Variants in UTRN observed in about 807,000 individuals in gnomAD.
UTRN encodes the protein dystrophin-related protein 1.
A neutral mutation model predicts 463.9 loss-of-function variants in UTRN; 283 were observed. The ratio of observed to expected loss-of-function variants is 0.61; its 90% CI spans 0.55 to 0.67. The LOEUF (loss-of-function observed/expected upper bound fraction) is 0.67, where lower values mean the gene tolerates loss of function less well. Ranked by LOEUF, UTRN falls within the 30% of genes least tolerant of loss-of-function variation. The pLI, the probability that UTRN is intolerant of heterozygous loss-of-function variation, is 0.00. For synonymous variants in UTRN, 1,442 were observed against 1,431.5 expected, an observed-to-expected ratio of 1.01 and a Z score of -0.17; for missense variants, 3,922 against 4,084.3, an observed-to-expected ratio of 0.96 and a Z score of 1.08.
intron 9 of UTRN, among the ~76,000 whole-genome samples, chr6:144,432,281 C>T (rs944036076): frequency 2.6e-5 from 4 of 152,222 alleles, no homozygotes; most frequent in African/African-American, 9.7e-5. Context: ...GCAGCCTGCA[C>T]ATTTTTCCTC....
intron 51 of UTRN, among the ~76,000 whole-genome samples, chr6:144,636,396 T>TG (rs912382573): frequency 1.4e-5 from 2 of 141,876 alleles, no homozygotes; most frequent in African/African-American, 5.3e-5. Flanking sequence ...TGTCAGGGGG[T>TG]GGGGGGCTAG....
chr6:144,452,779 TAA>T (rs75475432), intron 18 of UTRN, among the ~76,000 whole-genome samples: 7 of 135,058 alleles, frequency 5.2e-5, no homozygotes, highest in Admixed American at 7.4e-5. Context: ...CTACAAAAAG[TAA>T]AAAAAAAAAA....
chr6:144,422,711 C>A (rs1784938182), intron 4 of UTRN, among the ~76,000 whole-genome samples: 1 of 152,014 alleles, frequency 6.6e-6, no homozygotes, highest in African/African-American at 2.4e-5. Context: ...AAATACAACT[C>A]TATTATTTTA....
At chr6:144,821,107 A>G in intron 66 of UTRN, 89 bp downstream of exon 66, 6 of 1,437,402 alleles carry the variant, frequency 4.2e-6, no homozygotes, top group Non-Finnish European at 5.6e-6. Context: ...AAATTGTTTA[A>G]TACCAACTGC....
chr6:144,837,695 G>A (rs1476379426), intron 71 of UTRN, among the ~76,000 whole-genome samples: 1 of 152,148 alleles, frequency 6.6e-6, no homozygotes, highest in Non-Finnish European at 1.5e-5. Context: ...TTTCACAGTT[G>A]CTCTCAGTCT....
In UTRN at chr6:144,485,509, A is replaced by G. The variant is rs1489397035; in HGVS notation, c.3812A>G (p.Glu1271Gly). ...VLPEKTDAVNEALESLESVLR... is the reference protein window; with the variant it reads ...VLPEKTDAVNGALESLESVLR... ...CCTGAGAAGACGGATGCTGTCAACG[A>G]AGCCCTGGAGGTTGGAACCCGTGAT... Residue 1271 changes from glutamate to glycine, a missense_variant, in exon 28 of 75, where the codon GAA (glutamate) becomes GGA (glycine). Around this residue, in one of 3 missense-constraint regions of UTRN, gnomAD observed 2,349 missense variants for 2,303.8 expected, o/e 1.02. Transcript: ENST00000367545. 1 of 1,611,894 alleles carries G rather than the reference A, an allele frequency of 6.2e-7. No individual in the cohort carries two copies. The highest frequency in any genetic ancestry group is 2.2e-5 in the East Asian group (1 of 44,664).
Position 144,754,735 on chromosome 6 carries a change from C to T in UTRN, c.8371C>T (p.Arg2791Cys), listed in dbSNP as rs778788806. 10 of 1,613,274 alleles carry T rather than the reference C, an allele frequency of 6.2e-6. No homozygotes were observed. The highest frequency in any genetic ancestry group is 1.3e-5 in the African/African-American group (1 of 74,836). The change falls in exon 57 of 75, where the codon CGC becomes TGC. Residue 2791 changes from arginine (R) to cysteine (C), a missense_variant. This residue lies in a region of UTRN where 1,309 missense variants were observed against 1,452.6 expected (regional missense o/e 0.90). Transcript: ENST00000367545. ...ATGTGTGCAGGTTTCTGTGGATGATCGCCTTAAACAGCTTCAGGAAGCCCA... is the reference window on the plus strand; with the variant it reads ...ATGTGTGCAGGTTTCTGTGGATGATTGCCTTAAACAGCTTCAGGAAGCCCA... The part of the protein sequence containing the change: ...WKLLQVSVDD[R>C]LKQLQEAHRD...
rs570913292 is a variant in UTRN at position 144,792,270 on chromosome 6, G to A, written c.8921-1564G>A. ...CTTATAAAAAGAGAGAATGGACCAG[G>A]CACGGTGGCTCACACCTGTAATCCC... On this transcript the variant is annotated intron_variant, in intron 62 of 74. Coordinates refer to ENST00000367545, the MANE Select transcript of UTRN (RefSeq NM_007124.3). Among the ~76,000 whole-genome samples the A allele has an allele frequency of 4.6e-5, 7 of 152,270 alleles. No individual in the cohort carries two copies. In the South Asian group the frequency reaches 1.2e-3, roughly 27 times the overall value.
intron 53 of UTRN, among the ~76,000 whole-genome samples, chr6:144,712,195 C>CT (rs1194487687): frequency 1.3e-5 from 2 of 152,212 alleles, no homozygotes; most frequent in Non-Finnish European, 2.9e-5. Flanking sequence ...ACGCTCAGCT[C>CT]TTTAAGGCCC....
intron 35 of UTRN, 48 bp from the exon 36 acceptor site, chr6:144,513,861 T>C: frequency 6.3e-7 from 1 of 1,589,190 alleles, no homozygotes; most frequent in Non-Finnish European, 8.6e-7. Context: ...GATTATCATC[T>C]TAAATATTTC....
At chr6:144,410,916 A>G (rs1162647550) in intron 3 of UTRN, among the ~76,000 whole-genome samples, 1 of 152,084 alleles carries the variant, frequency 6.6e-6, no homozygotes, top group African/African-American at 2.4e-5. Flanking sequence ...TGCTATAAAC[A>G]TGCATGTGCA....
At chr6:144,485,027 GCCT>G in intron 27 of UTRN, among the ~76,000 whole-genome samples, 1 of 152,010 alleles carries the variant, frequency 6.6e-6, no homozygotes, top group Non-Finnish European at 1.5e-5. Flanking sequence ...CCATTCTCCT[GCCT>G]CCTCCAGAGT....
At chr6:144,524,391 A>C (rs1434105452) in intron 41 of UTRN, among the ~76,000 whole-genome samples, 1 of 152,142 alleles carries the variant, frequency 6.6e-6, no homozygotes, top group East Asian at 1.9e-4. Flanking sequence ...ATTTGTAAAA[A>C]TATCCTTCTT....
chr6:144,824,863 G>C (rs762748135), intron 66 of UTRN, among the ~76,000 whole-genome samples: 1 of 150,756 alleles, frequency 6.6e-6, no homozygotes, highest in East Asian at 2.0e-4. Context: ...AAGTTTTCTT[G>C]TATCAGTTTG....
intron 52 of UTRN, among the ~76,000 whole-genome samples, chr6:144,691,700 TTG>T (rs1783435556): frequency 6.6e-6 from 1 of 152,178 alleles, no homozygotes; most frequent in Admixed American, 6.5e-5. Flanking sequence ...TCTCTATCCC[TTG>T]TCTTTAATCT....
chr6:144,487,534 C>T lies in UTRN; in HGVS notation c.3823-14C>T. 3.8e-6 allele frequency: 6 copies of T among 1,558,678 alleles called. No individual in the cohort carries two copies. Among genetic ancestry groups the T allele is most frequent in the Admixed American group, 1.9e-5 (1 of 52,994 alleles). ...TAAATGCATTATTATTTTTTTTTCCCATCTCCATTCCAGTCTCTGGAATCT... is the reference window on the plus strand; with the variant it reads ...TAAATGCATTATTATTTTTTTTTCCTATCTCCATTCCAGTCTCTGGAATCT... On this transcript the variant is annotated splice_polypyrimidine_tract_variant and intron_variant, in intron 28 of 74. Coordinates refer to ENST00000367545, the MANE Select transcript of UTRN (RefSeq NM_007124.3).
At chr6:144,789,131 A>G in intron 61 of UTRN, 63 bp from the exon 62 acceptor site, 1 of 1,296,618 alleles carries the variant, frequency 7.7e-7, no homozygotes, top group South Asian at 1.3e-5. Context: ...ATATTCAGAA[A>G]CAATGAACAT....
intron 27 of UTRN, among the ~76,000 whole-genome samples, chr6:144,482,812 G>A (rs898909034): frequency 1.3e-5 from 2 of 152,082 alleles, no homozygotes; most frequent in Non-Finnish European, 2.9e-5. Flanking sequence ...TTTCTTTTGA[G>A]TGGTGTCTAA....
At chr6:144,670,328 GT>G (rs1780880021) in intron 51 of UTRN, among the ~76,000 whole-genome samples, 1 of 152,032 alleles carries the variant, frequency 6.6e-6, no homozygotes, top group African/African-American at 2.4e-5. Context: ...TCTTGCAGGA[GT>G]AAGGGGGTAT....
Sources: gnomAD v4.1 joint callset for allele counts (sites outside exome capture counted in the v4.1 genomes callset) on GRCh38, gnomAD v4.1.1 for gene constraint, gnomAD v4.1.1 regional missense constraint, MANE v1.5 for transcripts, NCBI Gene and HGNC (gene_info 2026-07-23, HGNC 2026-07-21) for gene names.